The following MACF1 variants were observed in gnomAD, a reference collection of about 807,000 sequenced individuals.
MACF1 encodes the protein microtubule actin crosslinking factor 1, also known as microtubule-actin cross-linking factor 1.
Under a neutral mutation model 854.8 loss-of-function variants are expected in MACF1, and 193 were observed. That is an observed-to-expected ratio of 0.23 (90% CI 0.20 to 0.25). The LOEUF (loss-of-function observed/expected upper bound fraction) is 0.25, where lower values mean the gene tolerates loss of function less well. Ranked by LOEUF, MACF1 falls within the 10% of genes least tolerant of loss-of-function variation. The pLI is 1.00. For synonymous variants in MACF1, 3,185 were observed against 3,226.7 expected (o/e 0.99, Z 0.44); for missense variants, 7,722 against 8,929.1 (o/e 0.86, Z 5.45).
chr1:39,459,867 G>C lies in MACF1; in HGVS notation c.21360+618G>C, dbSNP rs760927435. ...CTGTGTTTTGTTTATTTTTTCCTTA[G>C]GTCAGTTGACTTTTAAGCTTATTGG... On this transcript the variant is annotated intron_variant, in intron 91 of 100. Coordinates refer to ENST00000564288, the MANE Select transcript of MACF1 (RefSeq NM_001394062.1). 39 of 1,301,858 alleles carry C rather than the reference G, an allele frequency of 3.0e-5. No homozygotes were observed. In the South Asian group the frequency reaches 4.8e-4, roughly 16 times the overall value. 80.6% of individuals were successfully genotyped at this position (1,301,858 alleles called of 1,614,324 possible).
intron 2 of MACF1, among the ~76,000 whole-genome samples, chr1:39,173,338 C>CAAAAAA (rs10636583): frequency 4.5e-4 from 45 of 100,986 alleles, no homozygotes; most frequent in African/African-American, 1.8e-3. Flanking sequence ...GACTCCATCT[C>CAAAAAA]AAAAAAAAAA....
In MACF1 at chr1:39,370,130, C is replaced by T; in HGVS notation, c.13039C>T (p.Pro4347Ser). The change falls in exon 51 of 101, where the codon CCT becomes TCT. Residue 4347 changes from proline (P) to serine (S), a missense_variant. Coordinates refer to ENST00000564288, the MANE Select transcript of MACF1 (RefSeq NM_001394062.1). ...GAAAGAAACTGAAGGGAGTATTCCACCTACGGAAACTTCTATGAGTGCTAA... is the reference window on the plus strand; with the variant it reads ...GAAAGAAACTGAAGGGAGTATTCCATCTACGGAAACTTCTATGAGTGCTAA... ...WLKETEGSIP[P>S]TETSMSAKEL... 6.2e-7 allele frequency: 1 copy of T among 1,613,998 alleles called. No individual in the cohort carries two copies. Among genetic ancestry groups the T allele is most frequent in the Non-Finnish European group, 8.5e-7 (1 of 1,179,936 alleles).
intron 2 of MACF1, among the ~76,000 whole-genome samples, chr1:39,236,805 G>A (rs1644864601): frequency 1.3e-5 from 2 of 152,166 alleles, no homozygotes; most frequent in Non-Finnish European, 2.9e-5. Flanking sequence ...GGAACTACAA[G>A]CATGTGCCAC....
intron 58 of MACF1, chr1:39,410,373 G>A (rs1440264242): frequency 6.2e-7 from 1 of 1,613,962 alleles, no homozygotes; most frequent in Non-Finnish European, 8.5e-7. Context: ...TTCCACAACG[G>A]TCTATATATG....
chr1:39,290,962 A>G (rs1255570249), intron 15 of MACF1, among the ~76,000 whole-genome samples: 1 of 150,584 alleles, frequency 6.6e-6, no homozygotes. Context: ...GGAGTGAGCC[A>G]TTATGCCCAG....
chr1:39,184,315 G>T (rs1462907059), intron 2 of MACF1, among the ~76,000 whole-genome samples: 2 of 152,154 alleles, frequency 1.3e-5, no homozygotes, highest in East Asian at 3.8e-4. Flanking sequence ...AGCTAGCAGG[G>T]TCTGTGTCTT....
chr1:39,242,101 A>C (rs1336044237), intron 2 of MACF1, among the ~76,000 whole-genome samples: 1 of 152,184 alleles, frequency 6.6e-6, no homozygotes, highest in African/African-American at 2.4e-5. Flanking sequence ...TAATCCCAGC[A>C]CTTTGGGAGG....
At chr1:39,355,576 C>T (rs558696224) in intron 44 of MACF1, among the ~76,000 whole-genome samples, 1 of 146,698 alleles carries the variant, frequency 6.8e-6, no homozygotes, top group East Asian at 2.0e-4. Flanking sequence ...AAGCCATTCT[C>T]CTCCTCAGCT....
Position 39,388,361 on chromosome 1 carries a change from A to C in MACF1, c.15519A>C (p.Lys5173Asn). ...TCCTTAACAAAATTCACGTCCTCAA[A>C]TTAGACATAGAGGCCTCTGAAGCAG... ...RLFLNKIHVL[K>N]LDIEASEAEC... is the part of the protein sequence containing the mutation. The change falls in exon 58 of 101, where the codon AAA becomes AAC. Residue 5173 changes from lysine (K) to asparagine (N), a missense_variant. Transcript: ENST00000564288. 1 of 1,614,140 alleles carries C rather than the reference A, an allele frequency of 6.2e-7. No individual in the cohort carries two copies. The highest frequency in any genetic ancestry group is 2.2e-5 in the East Asian group (1 of 44,878).
intron 23 of MACF1, chr1:39,304,651 C>T (rs1349786488): frequency 6.1e-6 from 3 of 491,712 alleles, no homozygotes; most frequent in African/African-American, 2.0e-5. Context: ...GCAAGCTCCG[C>T]CTCCTGTGTT....
chr1:39,324,136 C>T (rs915721919), intron 33 of MACF1, 57 bp from the exon 34 acceptor site: 14 of 1,503,530 alleles, frequency 9.3e-6, no homozygotes, highest in African/African-American at 4.2e-5. Flanking sequence ...AATCTGAAGT[C>T]GTGCCAGCCT....
chr1:39,468,056 G>C (rs1179175317), intron 95 of MACF1: 1 of 152,230 alleles, frequency 6.6e-6, no homozygotes, highest in African/African-American at 2.4e-5. Context: ...TTTTGGTGCA[G>C]AGGCAGTGGT....
intron 83 of MACF1, 31 bp downstream of exon 83, chr1:39,448,183 G>A: frequency 6.3e-7 from 1 of 1,592,946 alleles, no homozygotes. Flanking sequence ...TAGGTCCCAA[G>A]CCATAGTATT....
At chr1:39,436,601 C>A in intron 70 of MACF1, 1 of 1,020,862 alleles carries the variant, frequency 9.8e-7, no homozygotes, top group Non-Finnish European at 1.5e-6. Flanking sequence ...TTAATTAGTG[C>A]AGTTTATTAT....
intron 2 of MACF1, among the ~76,000 whole-genome samples, chr1:39,085,762 C>T (rs1641658652): frequency 6.6e-6 from 1 of 152,170 alleles, no homozygotes; most frequent in Non-Finnish European, 1.5e-5. Flanking sequence ...ATCAAGGCTT[C>T]AGCATAAAGA....
rs185755075 is a variant in MACF1, at chr1:39,156,370, G to A, written c.220+71932G>A. On this transcript the variant is annotated intron_variant, in intron 2 of 93. Coordinates refer to the MACF1 transcript ENST00000361689. ...CATGGTGGCTTACGCCAGGCCCCCAGCACTTTTGGAAGCCAAGGTGGGATG... is the reference window on the plus strand; with the variant it reads ...CATGGTGGCTTACGCCAGGCCCCCAACACTTTTGGAAGCCAAGGTGGGATG... Among the ~76,000 whole-genome samples the A allele has an allele frequency of 5.5e-4, 84 of 152,308 alleles. 1 individual carries two copies. Among genetic ancestry groups the A allele is most frequent in the Non-Finnish European group, 8.5e-4 (58 of 68,028 alleles).
intron 6 of MACF1, among the ~76,000 whole-genome samples, chr1:39,271,759 A>G (rs1417462632): frequency 2.6e-5 from 4 of 152,246 alleles, no homozygotes; most frequent in African/African-American, 7.2e-5. Context: ...AATTTGGCAT[A>G]TAAAGTTTTA....
chr1:39,326,680 C>CAAAAA lies in MACF1; in HGVS notation c.4479-521_4479-517dup, dbSNP rs57108021. Among the ~76,000 whole-genome samples the CAAAAA allele has an allele frequency of 8.2e-5, 6 of 72,730 alleles. No homozygotes were observed. The East Asian group carries it at 1.2e-3, about 14-fold the overall frequency. 47.7% of individuals were successfully genotyped at this position (72,730 alleles called of 152,430 possible). A position where few individuals can be genotyped will look rare whatever the true frequency, so the allele number is the denominator to read the frequency against. ...TGGGTGACAGAGCGAGACTCCATCT[C>CAAAAA]AAAAAAAAAAAAAAAAAAAAAGAGA... is the stretch of plus-strand genomic sequence containing the variant. On this transcript the variant is annotated intron_variant, in intron 35 of 100. Coordinates refer to ENST00000564288, the MANE Select transcript of MACF1 (RefSeq NM_001394062.1).
intron 58 of MACF1, chr1:39,410,291 A>G: frequency 6.2e-7 from 1 of 1,603,026 alleles, no homozygotes; most frequent in East Asian, 2.2e-5. Context: ...AGCAGACCAG[A>G]CTGTTTAAGG....
Sources: allele counts gnomAD v4.1 joint callset (sites outside exome capture counted in the v4.1 genomes callset), GRCh38; gene constraint gnomAD v4.1.1; transcripts MANE v1.5; gene names NCBI Gene and HGNC (gene_info 2026-07-23, HGNC 2026-07-21).